CTNNA3: variants seen among roughly 807,000 people sequenced by gnomAD.
The protein encoded by CTNNA3 is catenin alpha-3.
In CTNNA3, 76 loss-of-function variants were observed where a neutral mutation model predicts 95.7. The observed-to-expected ratio is 0.79, with a 90% confidence interval of 0.66 to 0.96. The LOEUF (loss-of-function observed/expected upper bound fraction) is 0.96. Among genes scored for constraint, CTNNA3 ranks in the 40% least tolerant of loss-of-function variants. The pLI, the probability that CTNNA3 is intolerant of heterozygous loss-of-function variation, is 0.00. For missense variants in CTNNA3, 1,191 were observed against 1,089.8 expected (o/e 1.09, Z -1.31); for synonymous variants, 431 against 374.4 (o/e 1.15, Z -1.74).
chr10:65,966,987 C>T (rs765542903), intron 16 of CTNNA3, among the ~76,000 whole-genome samples: 29 of 152,090 alleles, frequency 1.9e-4, no homozygotes, highest in Admixed American at 3.3e-4. Context: ...GATGGAGTCT[C>T]GCTCTGTTGC....
chr10:67,359,858 T>C (rs1842936370), intron 5 of CTNNA3, among the ~76,000 whole-genome samples: 1 of 152,092 alleles, frequency 6.6e-6, no homozygotes, highest in African/African-American at 2.4e-5. Context: ...AGAACCCTCA[T>C]GAAATGCTAA....
At position 67,283,197 on chromosome 10, in the gene CTNNA3, T is replaced by C. The variant is rs933855549; in HGVS notation, c.580-63327A>G. Among the ~76,000 whole-genome samples, 10 of 152,296 alleles carry C rather than the reference T, an allele frequency of 6.6e-5. 1 individual carries two copies. The highest frequency in any genetic ancestry group is 6.5e-4 in the Admixed American group (10 of 15,300). ...ATGGTAGGAGAGGGTCCACTGCTTC[T>C]TCACCAGGAATGTCAGGCAACCATC... is the stretch of plus-strand genomic sequence containing the variant. On this transcript the variant is annotated intron_variant, in intron 5 of 17. Transcript: ENST00000433211.
intron 7 of CTNNA3, among the ~76,000 whole-genome samples, chr10:66,989,815 C>T (rs1850940715): frequency 6.6e-6 from 1 of 152,068 alleles, no homozygotes; most frequent in African/African-American, 2.4e-5. Context: ...AGGAAACAGA[C>T]TTGAGTGCTT....
At chr10:66,149,846 G>A (rs1018518893) in intron 13 of CTNNA3, among the ~76,000 whole-genome samples, 12 of 151,616 alleles carry the variant, frequency 7.9e-5, no homozygotes, top group African/African-American at 2.7e-4. Context: ...CATTATTATA[G>A]CAAAAAAAAT....
intron 12 of CTNNA3, among the ~76,000 whole-genome samples, chr10:66,368,895 A>T (rs2092732743): frequency 6.6e-6 from 1 of 152,122 alleles, no homozygotes; most frequent in Non-Finnish European, 1.5e-5. Flanking sequence ...TACAACCTAC[A>T]ATCAACACTA....
intron 7 of CTNNA3, among the ~76,000 whole-genome samples, chr10:67,041,831 T>C (rs895715555): frequency 4.6e-5 from 7 of 152,108 alleles, no homozygotes; most frequent in Non-Finnish European, 8.8e-5. Context: ...CTGTAGCTGA[T>C]ATATTGTATT....
intron 6 of CTNNA3, among the ~76,000 whole-genome samples, chr10:67,195,276 G>A (rs4746676): frequency 0.37 from 55,534 of 151,790 alleles, 14,551 homozygotes; most frequent in African/African-American, 0.75. Flanking sequence ...TTATCTTTAA[G>A]AAAATTAGAA....
chr10:66,821,150 C>G (rs1203073543), intron 7 of CTNNA3, among the ~76,000 whole-genome samples: 1 of 152,064 alleles, frequency 6.6e-6, no homozygotes, highest in Non-Finnish European at 1.5e-5. Flanking sequence ...TCTATTCATG[C>G]ACATAGTTTC....
intron 7 of CTNNA3, among the ~76,000 whole-genome samples, chr10:67,129,522 G>A (rs1183524095): frequency 6.6e-6 from 1 of 151,990 alleles, no homozygotes; most frequent in Admixed American, 6.6e-5. Flanking sequence ...AGTCAAATAG[G>A]ATTTCCCCAC....
intron 12 of CTNNA3, among the ~76,000 whole-genome samples, chr10:66,346,134 G>T (rs1236439478): frequency 6.7e-6 from 1 of 148,260 alleles, no homozygotes; most frequent in Admixed American, 6.7e-5. Flanking sequence ...CTGTTCTCAT[G>T]TTAGAAAGAA....
At chr10:66,337,337 C>A (rs957401138) in intron 12 of CTNNA3, among the ~76,000 whole-genome samples, 3 of 152,046 alleles carry the variant, frequency 2.0e-5, no homozygotes, top group African/African-American at 7.2e-5. Flanking sequence ...GCATCTCAAA[C>A]GGATAAGTAC....
intron 7 of CTNNA3, among the ~76,000 whole-genome samples, chr10:67,173,487 A>C (rs1338764592): frequency 4.6e-5 from 7 of 152,154 alleles, no homozygotes; most frequent in African/African-American, 1.7e-4. Context: ...GCCTTTCTTT[A>C]TATGTTTCCT....
intron 5 of CTNNA3, among the ~76,000 whole-genome samples, chr10:67,400,219 C>G (rs1009773537): frequency 6.6e-6 from 1 of 152,130 alleles, no homozygotes. Context: ...AAGAATTTTA[C>G]TCTGTTGTGA....
At chr10:67,268,536 T>C (rs1466352561) in intron 5 of CTNNA3, among the ~76,000 whole-genome samples, 1 of 151,818 alleles carries the variant, frequency 6.6e-6, no homozygotes, top group African/African-American at 2.4e-5. Flanking sequence ...CAAAAAAGCT[T>C]TGGGTCCCTC....
intron 5 of CTNNA3, among the ~76,000 whole-genome samples, chr10:67,507,945 T>C (rs1839479411): frequency 6.6e-6 from 1 of 152,184 alleles, no homozygotes; most frequent in Non-Finnish European, 1.5e-5. Flanking sequence ...TTTAACAAAA[T>C]TCAACATGCT....
In CTNNA3 at chr10:67,582,976, T is replaced by C. The variant is rs187769144; in HGVS notation, c.292+23881A>G. ...GTCTCTGCACAAGAGATGGGTTTCC[T>C]GAATACAGCACACTGATGGGTCTTG... On this transcript the variant is annotated intron_variant, in intron 3 of 17. Coordinates refer to ENST00000433211, the MANE Select transcript of CTNNA3 (RefSeq NM_013266.4). 2.2e-3 allele frequency among the ~76,000 whole-genome samples: 338 copies of C among 152,246 alleles called. 1 individual carries two copies. The highest frequency in any genetic ancestry group is 3.8e-3 in the Non-Finnish European group (259 of 68,030).
chr10:67,080,379 A>G (rs1856985805), intron 7 of CTNNA3, among the ~76,000 whole-genome samples: 2 of 152,220 alleles, frequency 1.3e-5, no homozygotes, highest in Admixed American at 1.3e-4. Flanking sequence ...GGACACAATT[A>G]GGGAAGTCAG....
intron 15 of CTNNA3, among the ~76,000 whole-genome samples, chr10:66,057,667 C>A (rs2080113643): frequency 6.6e-6 from 1 of 152,034 alleles, no homozygotes. Context: ...ATGGGAAAGG[C>A]AATGATTATT....
chr10:66,701,067 A>T (rs1847926988), intron 9 of CTNNA3, among the ~76,000 whole-genome samples: 1 of 152,248 alleles, frequency 6.6e-6, no homozygotes, highest in African/African-American at 2.4e-5. Flanking sequence ...GAGGTTATTG[A>T]TTGAATTTTT....
Sources: allele counts gnomAD v4.1 joint callset (sites outside exome capture counted in the v4.1 genomes callset), GRCh38; gene constraint gnomAD v4.1.1; transcripts MANE v1.5; gene names NCBI Gene and HGNC (gene_info 2026-07-23, HGNC 2026-07-21).